GPR89B: variants seen among roughly 807,000 people sequenced by gnomAD.
GPR89B encodes the protein G protein-coupled receptor 89B.
In GPR89B, 25 loss-of-function variants were observed where a neutral mutation model predicts 52.4. The observed-to-expected ratio is 0.48, with a 90% CI of 0.35 to 0.67. GPR89B has a LOEUF of 0.67. Among genes scored for constraint, GPR89B ranks in the 30% least tolerant of loss-of-function variants. The pLI, the probability that GPR89B is intolerant of heterozygous loss-of-function variation, is 0.01. For synonymous variants in GPR89B, 52 were observed against 151.2 expected, an observed-to-expected ratio of 0.34 and a Z score of 4.81; for missense variants, 146 against 450.2, an observed-to-expected ratio of 0.32 and a Z score of 6.11.
chr1:147,932,875 GCA>G (rs1653766287), intron 1 of GPR89B, among the ~76,000 whole-genome samples: 1 of 151,962 alleles, frequency 6.6e-6, no homozygotes. Flanking sequence ...TTAAAAAAAA[GCA>G]CAGATTTTGG....
At chr1:148,020,036 G>T in the GPR89B span, among the ~76,000 whole-genome samples, 1 of 151,688 alleles carries the variant, frequency 6.6e-6, no homozygotes, top group African/African-American at 2.4e-5. Flanking sequence ...TCATACTCGA[G>T]TTCCTGGGTC....
intron 4 of GPR89B, 131 bp downstream of exon 4, chr1:147,943,675 A>C (rs1654738273): frequency 1.7e-6 from 1 of 572,836 alleles, no homozygotes. Context: ...CACACACAAC[A>C]TCTTAAAAAT....
intron 2 of GPR89B, 29 bp downstream of exon 2, chr1:147,936,715 C>T (rs1654121958): frequency 1.3e-6 from 2 of 1,584,866 alleles, no homozygotes; most frequent in East Asian, 2.2e-5. Context: ...GTCATACTTA[C>T]ACTATATGAA....
intron 7 of GPR89B, among the ~76,000 whole-genome samples, chr1:147,960,258 C>A (rs1410987804): frequency 6.6e-6 from 1 of 150,802 alleles, no homozygotes; most frequent in Non-Finnish European, 1.5e-5. Flanking sequence ...CCAAAACTTG[C>A]TAGACATGTA....
chr1:147,971,464 C>CTTTTT (rs1196935183), intron 10 of GPR89B, among the ~76,000 whole-genome samples: 754 of 70,276 alleles, frequency 0.011, 17 homozygotes, highest in African/African-American at 0.023. Context: ...GGAAGCATGT[C>CTTTTT]TTTTTTTTTT....
intron 7 of GPR89B, among the ~76,000 whole-genome samples, chr1:147,963,979 A>G (rs1656837216): frequency 1.3e-5 from 2 of 152,108 alleles, no homozygotes; most frequent in Admixed American, 1.3e-4. Context: ...TTGAAATGAT[A>G]AAATTACAGA....
At chr1:147,976,125 T>C (rs2149083491) in intron 10 of GPR89B, among the ~76,000 whole-genome samples, 1 of 152,340 alleles carries the variant, frequency 6.6e-6, no homozygotes, top group Admixed American at 6.5e-5. Flanking sequence ...GAATGTATAT[T>C]CTGTTGTTTT....
intron 12 of GPR89B, among the ~76,000 whole-genome samples, chr1:147,991,733 A>G (rs1659086640): frequency 6.6e-6 from 1 of 152,264 alleles, no homozygotes; most frequent in Admixed American, 6.5e-5. Flanking sequence ...GGTTCTGTTT[A>G]TATGCTGGAT....
At position 147,980,634 on chromosome 1, in the gene GPR89B, C is replaced by A. The variant is rs1184794392; in HGVS notation, c.910-5565C>A. Among the ~76,000 whole-genome samples the A allele has an allele frequency of 2.0e-5, 3 of 147,520 alleles. No homozygotes were observed. In the South Asian group the frequency reaches 6.5e-4, roughly 32 times the overall value. ...TCTTAATATATTCATAGTTTTATAA[C>A]CATTACCACAATCAATTTTTGAACA... On this transcript the variant is annotated intron_variant, in intron 10 of 13. Coordinates refer to ENST00000314163, the MANE Select transcript of GPR89B (RefSeq NM_016334.5).
Position 147,986,290 on chromosome 1 carries a change from T to C in GPR89B, c.1001T>C (p.Phe334Ser), listed in dbSNP as rs1658663071. 6.2e-7 allele frequency: 1 copy of C among 1,611,184 alleles called. No individual in the cohort carries two copies. Among genetic ancestry groups the C allele is most frequent in the Non-Finnish European group, 8.5e-7 (1 of 1,179,402 alleles). ...ACTGTGAATTATCTGGGAATCCAAT[T>C]TGATGTAAGTGTTATATCAAGATCC... ...EITVNYLGIQ[F>S]DVKFWSQHIS... is the part of the protein sequence containing the mutation. Residue 334 changes from phenylalanine (F) to serine (S), a missense_variant, in exon 11 of 14, where the codon TTT becomes TCT. Physicochemically the swap from Phe to Ser is radical, Grantham distance 155. Coordinates refer to ENST00000314163, the MANE Select transcript of GPR89B (RefSeq NM_016334.5).
intron 10 of GPR89B, among the ~76,000 whole-genome samples, chr1:147,981,547 T>G (rs1238990317): frequency 6.7e-6 from 1 of 150,362 alleles, no homozygotes; most frequent in East Asian, 1.9e-4. Flanking sequence ...CTATTTCATT[T>G]TATAGGTACA....
chr1:147,952,306 A>G (rs1182672617), intron 5 of GPR89B, among the ~76,000 whole-genome samples: 1 of 151,854 alleles, frequency 6.6e-6, no homozygotes, highest in Non-Finnish European at 1.5e-5. Context: ...AGAGTTGGGA[A>G]TTTGTAGGAT....
the GPR89B span, among the ~76,000 whole-genome samples, chr1:148,005,743 G>T: frequency 1.3e-5 from 2 of 152,086 alleles, no homozygotes; most frequent in East Asian, 3.9e-4. Context: ...CGATTGTCTT[G>T]CTGGAGCACA....
chr1:147,971,335 G>A (rs1657449869), intron 10 of GPR89B, among the ~76,000 whole-genome samples: 1 of 151,390 alleles, frequency 6.6e-6, no homozygotes, highest in Non-Finnish European at 1.5e-5. Flanking sequence ...TATTTCAGTA[G>A]ACATGGGCTT....
the GPR89B span, among the ~76,000 whole-genome samples, chr1:148,018,028 A>G: frequency 4.1e-5 from 6 of 147,610 alleles, no homozygotes. Flanking sequence ...TGTGCACCTG[A>G]GATCTAAGAG....
the GPR89B span, among the ~76,000 whole-genome samples, chr1:148,021,112 G>T: frequency 1.3e-5 from 2 of 151,954 alleles, no homozygotes; most frequent in Non-Finnish European, 2.9e-5. Flanking sequence ...TCTGCTGTCG[G>T]ATCCCTGCAA....
the GPR89B span, among the ~76,000 whole-genome samples, chr1:148,006,732 T>TA: frequency 1.3e-5 from 2 of 151,294 alleles, no homozygotes; most frequent in African/African-American, 2.5e-5. Flanking sequence ...TTTTTTTTTT[T>TA]AACAGATGGA....
chr1:148,018,334 G>A, the GPR89B span, among the ~76,000 whole-genome samples: 1 of 145,436 alleles, frequency 6.9e-6, no homozygotes, highest in Non-Finnish European at 1.5e-5. Flanking sequence ...CAGGAGAATG[G>A]CATGAACCTG....
chr1:147,929,375 C>T (rs1187265223), intron 1 of GPR89B, among the ~76,000 whole-genome samples: 2 of 151,928 alleles, frequency 1.3e-5, no homozygotes, highest in Non-Finnish European at 2.9e-5. Context: ...CATCATAGCA[C>T]TGGCATCATT....
Sources: gnomAD v4.1 joint callset for allele counts (sites outside exome capture counted in the v4.1 genomes callset) on GRCh38, gnomAD v4.1.1 for gene constraint, MANE v1.5 for transcripts, NCBI Gene and HGNC (gene_info 2026-07-23, HGNC 2026-07-21) for gene names.